EFHC2: variants seen among roughly 807,000 people sequenced by gnomAD.
EFHC2 encodes EF-hand domain-containing family member C2.
In EFHC2, 18 loss-of-function variants were observed where a neutral mutation model predicts 52.7. The ratio of observed to expected loss-of-function variants is 0.34; its 90% CI spans 0.24 to 0.51. The LOEUF is 0.51. Among genes scored for constraint, EFHC2 ranks in the 20% least tolerant of loss-of-function variants. The probability of loss-of-function intolerance (pLI) is 0.97; values close to 1 mark genes in which losing one functional copy is unlikely to be tolerated. For synonymous variants in EFHC2, 203 were observed against 204.1 expected (o/e 0.99, Z 0.04); for missense variants, 513 against 562.5 (o/e 0.91, Z 0.89).
At chrX:44,152,764 A>G (rs1029527662) in intron 14 of EFHC2, among the ~76,000 whole-genome samples, 3 of 109,907 alleles carry the variant, frequency 2.7e-5, no homozygotes, top group African/African-American at 9.9e-5. Context: ...ACAAAACAAT[A>G]TATTTTAATC....
At chrX:44,211,482 C>T (rs2037094925) in intron 11 of EFHC2, among the ~76,000 whole-genome samples, 1 of 111,158 alleles carries the variant, frequency 9.0e-6, no homozygotes, top group East Asian at 2.8e-4. Context: ...GAGCTGAGAT[C>T]GCACCATTGC....
intron 4 of EFHC2, among the ~76,000 whole-genome samples, chrX:44,250,827 A>G (rs1394440915): frequency 1.4e-5 from 1 of 72,896 alleles, no homozygotes; most frequent in East Asian, 3.3e-4. Context: ...TCCATTTCGA[A>G]AAAAAAAAAA....
intron 11 of EFHC2, among the ~76,000 whole-genome samples, chrX:44,186,303 T>C (rs765723002): frequency 3.6e-5 from 4 of 112,367 alleles, no homozygotes; most frequent in Non-Finnish European, 7.5e-5. Context: ...TGGTACAATA[T>C]GCATTTAAAC....
At chrX:44,164,355 T>G (rs776649755) in intron 13 of EFHC2, among the ~76,000 whole-genome samples, 2 of 111,742 alleles carry the variant, frequency 1.8e-5, no homozygotes, top group Non-Finnish European at 3.8e-5. Context: ...TTAAAAAGAT[T>G]TAAAGGTCCT....
At chrX:44,204,110 T>G (rs2037027526) in intron 11 of EFHC2, among the ~76,000 whole-genome samples, 1 of 110,425 alleles carries the variant, frequency 9.1e-6, no homozygotes, top group Non-Finnish European at 1.9e-5. Context: ...TGTACAGAGC[T>G]TTGCCCCCTG....
At chrX:44,287,026 TAAAA>T (rs57970615) in intron 2 of EFHC2, among the ~76,000 whole-genome samples, 1 of 15,209 alleles carries the variant, frequency 6.6e-5, no homozygotes, top group East Asian at 2.0e-3. Context: ...CTCCCATCTC[TAAAA>T]AAAAAAAAAA....
chrX:44,238,612 C>T (rs1385560434), intron 8 of EFHC2, among the ~76,000 whole-genome samples: 3 of 111,182 alleles, frequency 2.7e-5, no homozygotes, highest in African/African-American at 9.8e-5. Context: ...CCATCCATGT[C>T]GGCCTCCCGG....
chrX:44,264,107 C>T, intron 3 of EFHC2, among the ~76,000 whole-genome samples: 1 of 111,956 alleles, frequency 8.9e-6, no homozygotes, highest in Non-Finnish European at 1.9e-5. Context: ...AGGTTAAATG[C>T]CATGCCCAAG....
At chrX:44,186,492 T>C (rs2147285310) in intron 11 of EFHC2, among the ~76,000 whole-genome samples, 1 of 111,847 alleles carries the variant, frequency 8.9e-6, no homozygotes, top group East Asian at 2.8e-4. Context: ...TGCCTTTGCA[T>C]TAACACCCAC....
intron 14 of EFHC2, among the ~76,000 whole-genome samples, chrX:44,160,762 A>T (rs923026630): frequency 1.8e-5 from 2 of 110,749 alleles, no homozygotes; most frequent in African/African-American, 3.3e-5. Context: ...TCTATTAAAA[A>T]TACAAAAAAA....
chrX:44,328,373 C>T (rs752085518), intron 1 of EFHC2, among the ~76,000 whole-genome samples: 3 of 111,701 alleles, frequency 2.7e-5, no homozygotes, highest in Non-Finnish European at 5.6e-5. Context: ...GGCAAGATTG[C>T]AGAAATGCTG....
At chrX:44,277,026 G>A (rs1381837841) in intron 2 of EFHC2, among the ~76,000 whole-genome samples, 1 of 110,962 alleles carries the variant, frequency 9.0e-6, no homozygotes, top group Non-Finnish European at 1.9e-5. Flanking sequence ...TTCGGAGGCC[G>A]AGGCGGGCGG....
At chrX:44,342,381 C>A (rs2038156284) in intron 1 of EFHC2, among the ~76,000 whole-genome samples, 1 of 112,158 alleles carries the variant, frequency 8.9e-6, no homozygotes, top group Non-Finnish European at 1.9e-5. Flanking sequence ...CCATCTAATT[C>A]CCTCCCATCT....
At chrX:44,256,601 A>C (rs1158858181) in intron 4 of EFHC2, among the ~76,000 whole-genome samples, 3 of 111,899 alleles carry the variant, frequency 2.7e-5, no homozygotes, top group African/African-American at 3.3e-5. Flanking sequence ...AAATCCCTGA[A>C]TAGACCAACC....
At chrX:44,321,369 C>G (rs2038019455) in intron 1 of EFHC2, among the ~76,000 whole-genome samples, 2 of 110,766 alleles carry the variant, frequency 1.8e-5, no homozygotes, top group Non-Finnish European at 3.8e-5. Context: ...GAAATGTGGA[C>G]TAGCAGGTGG....
At chrX:44,339,105 C>G (rs750545653) in intron 1 of EFHC2, among the ~76,000 whole-genome samples, 1 of 109,591 alleles carries the variant, frequency 9.1e-6, no homozygotes, top group African/African-American at 3.4e-5. Flanking sequence ...GCAGGAGAAT[C>G]GATTGAACCT....
intron 2 of EFHC2, among the ~76,000 whole-genome samples, chrX:44,283,437 C>T (rs2037724384): frequency 9.0e-6 from 1 of 111,703 alleles, no homozygotes; most frequent in Non-Finnish European, 1.9e-5. Context: ...CCACCTCGGC[C>T]TCCCAAAGTG....
intron 10 of EFHC2, among the ~76,000 whole-genome samples, chrX:44,232,181 T>C (rs1312746364): frequency 1.8e-5 from 2 of 112,353 alleles, no homozygotes; most frequent in Non-Finnish European, 3.8e-5. Flanking sequence ...TCTGAAAACA[T>C]TGTTAGCGTC....
chrX:44,176,152 A>T, intron 13 of EFHC2, 140 bp downstream of exon 13: 3 of 456,697 alleles, frequency 6.6e-6, no homozygotes, highest in Non-Finnish European at 1.1e-5. Flanking sequence ...TAACACTTAA[A>T]TGGAGGCAGG....
Sources: gnomAD v4.1 joint callset for allele counts (sites outside exome capture counted in the v4.1 genomes callset) on GRCh38, gnomAD v4.1.1 for gene constraint, MANE v1.5 for transcripts, NCBI Gene and HGNC (gene_info 2026-07-23, HGNC 2026-07-21) for gene names.